SH3PXD2B: variants seen among roughly 807,000 people sequenced by gnomAD.
SH3PXD2B encodes SH3 and PX domains 2B.
In SH3PXD2B, 37 loss-of-function variants were observed where a neutral mutation model predicts 73.1. The observed-to-expected ratio is 0.51, with a 90% CI of 0.39 to 0.67. The LOEUF (loss-of-function observed/expected upper bound fraction) is 0.67, where lower values mean the gene tolerates loss of function less well. SH3PXD2B is among the 30% of genes least tolerant of loss of function. The probability of loss-of-function intolerance (pLI) is 0.00; values close to 1 mark genes in which losing one functional copy is unlikely to be tolerated. For missense variants in SH3PXD2B, 1,053 were observed against 1,197.8 expected, an observed-to-expected ratio of 0.88 and a Z score of 1.78; for synonymous variants, 457 against 480.5, an observed-to-expected ratio of 0.95 and a Z score of 0.64.
rs558962538 is a variant in SH3PXD2B, at chr5:172,402,748, C to T, written c.232+3529G>A. Among the ~76,000 whole-genome samples, 4 of 152,340 alleles carry T rather than the reference C, an allele frequency of 2.6e-5. No individual in the cohort carries two copies. In the South Asian group the frequency reaches 8.3e-4, roughly 32 times the overall value. The stretch of plus-strand genomic sequence containing the variant: ...CTCATCTGTGAAATGGGACAGCAGC[C>T]CCTAGCTCTTAGAAGCTGTCTCCAT... On this transcript the variant is annotated intron_variant, in intron 3 of 12. Transcript: ENST00000311601.
chr5:172,332,378 C>T (rs578175199), downstream of SH3PXD2B, among the ~76,000 whole-genome samples: 4 of 151,844 alleles, frequency 2.6e-5, no homozygotes, highest in Non-Finnish European at 5.9e-5. Context: ...TTCAGCCTCC[C>T]AAGTAGCTGG....
At chr5:172,375,308 C>G (rs539998180) in intron 5 of SH3PXD2B, among the ~76,000 whole-genome samples, 10 of 152,174 alleles carry the variant, frequency 6.6e-5, no homozygotes, top group Admixed American at 1.3e-4. Context: ...TGCAGTGAGC[C>G]GAGATCATGC....
chr5:172,336,047 G>A lies in SH3PXD2B; in HGVS notation c.*2322C>T. 1 of 994,724 alleles carries A rather than the reference G, an allele frequency of 1.0e-6. No individual in the cohort carries two copies. 61.6% of individuals were successfully genotyped at this position (994,724 alleles called of 1,614,324 possible). A position where few individuals can be genotyped will look rare whatever the true frequency, so the allele number is the denominator to read the frequency against. The stretch of plus-strand genomic sequence containing the variant: ...CGGGAGGAAGGAATGAAGCAAGAGA[G>A]AAACTCCTTCAGTGAAGTCAGCAGA... On this transcript the variant is annotated 3_prime_UTR_variant, in exon 13 of 13. Transcript: ENST00000311601.
intron 1 of SH3PXD2B, among the ~76,000 whole-genome samples, chr5:172,452,018 C>T (rs1193924103): frequency 6.6e-6 from 1 of 152,184 alleles, no homozygotes; most frequent in Non-Finnish European, 1.5e-5. Flanking sequence ...GATGAATCCC[C>T]CTACCATGTG....
chr5:172,443,348 A>G (rs1168069558), intron 1 of SH3PXD2B, among the ~76,000 whole-genome samples: 1 of 152,234 alleles, frequency 6.6e-6, no homozygotes. Context: ...GTCGGAGGTT[A>G]GTGAAAATTA....
At chr5:172,443,285 T>C (rs1759588791) in intron 1 of SH3PXD2B, among the ~76,000 whole-genome samples, 1 of 152,236 alleles carries the variant, frequency 6.6e-6, no homozygotes, top group Non-Finnish European at 1.5e-5. Flanking sequence ...GTATTACTAC[T>C]ATCACCGCGA....
intron 12 of SH3PXD2B, among the ~76,000 whole-genome samples, chr5:172,341,702 G>A (rs1255642731): frequency 6.6e-6 from 1 of 152,206 alleles, no homozygotes; most frequent in African/African-American, 2.4e-5. Context: ...CCAGGCTGGA[G>A]TGCAGTGGCA....
At chr5:172,428,698 T>A (rs1404335421) in intron 1 of SH3PXD2B, among the ~76,000 whole-genome samples, 5 of 152,354 alleles carry the variant, frequency 3.3e-5, no homozygotes, top group Admixed American at 3.3e-4. Context: ...CTCCAGGTGA[T>A]GCAATGTGAA....
At chr5:172,368,568 AAT>A (rs1213767126) in intron 6 of SH3PXD2B, among the ~76,000 whole-genome samples, 19 of 19,154 alleles carry the variant, frequency 9.9e-4, no homozygotes, top group Non-Finnish European at 1.1e-3. Flanking sequence ...ATATATATAA[AAT>A]ATGTTATATA....
Position 172,335,799 on chromosome 5 carries a change from T to TC in SH3PXD2B, c.*2569dup. 8.1e-7 allele frequency: 1 copy of TC among 1,230,084 alleles called. No homozygotes were observed. The allele number at this position is 1,230,084 out of a possible 1,614,324, so 76.2% of individuals were successfully genotyped here. A position where few individuals can be genotyped will look rare whatever the true frequency, so the allele number is the denominator to read the frequency against. On this transcript the variant is annotated 3_prime_UTR_variant, in exon 13 of 13. Coordinates refer to ENST00000311601, the MANE Select transcript of SH3PXD2B (RefSeq NM_001017995.3). ...GACCCACCCACTGCCTGGGGAAGTG[T>TC]CTACCATTGTAGGAAAAGGAGCTGG...
chr5:172,378,898 G>A (rs552262087), intron 5 of SH3PXD2B, among the ~76,000 whole-genome samples: 5 of 151,810 alleles, frequency 3.3e-5, no homozygotes, highest in East Asian at 1.9e-4. Flanking sequence ...GTGAAACCCC[G>A]TCTCTACTAA....
At position 172,333,744 on chromosome 5, in the gene SH3PXD2B, G is replaced by C. The variant is rs371877979; in HGVS notation, c.*4625C>G. On this transcript the variant is annotated 3_prime_UTR_variant, in exon 13 of 13. Coordinates refer to ENST00000311601, the MANE Select transcript of SH3PXD2B (RefSeq NM_001017995.3). ...CCAGCGTCATCCTATGAGCAGACAC[G>C]AGGTGGTGGGCAGTGCCCACTGTTC... 1 of 1,289,392 alleles carries C rather than the reference G, an allele frequency of 7.8e-7. No individual in the cohort carries two copies. The highest frequency in any genetic ancestry group is 2.3e-5 in the Admixed American group (1 of 43,494). 79.9% of individuals were successfully genotyped at this position (1,289,392 alleles called of 1,614,324 possible).
At chr5:172,440,966 A>G (rs1455744779) in intron 1 of SH3PXD2B, among the ~76,000 whole-genome samples, 1 of 152,210 alleles carries the variant, frequency 6.6e-6, no homozygotes, top group Non-Finnish European at 1.5e-5. Flanking sequence ...CCCCTGGTAC[A>G]GTGGTGGCTT....
intron 8 of SH3PXD2B, among the ~76,000 whole-genome samples, chr5:172,355,176 C>T (rs1191284560): frequency 5.3e-5 from 8 of 152,262 alleles, no homozygotes; most frequent in African/African-American, 1.9e-4. Flanking sequence ...GTCGCTATCT[C>T]TTTGGGAAAA....
chr5:172,379,844 G>A (rs975458855), intron 5 of SH3PXD2B, among the ~76,000 whole-genome samples: 7 of 152,164 alleles, frequency 4.6e-5, no homozygotes, highest in Non-Finnish European at 1.0e-4. Flanking sequence ...GGCAGGATTC[G>A]AACCTGGGTG....
intron 1 of SH3PXD2B, among the ~76,000 whole-genome samples, chr5:172,453,886 G>A (rs1759861081): frequency 6.6e-6 from 1 of 152,192 alleles, no homozygotes; most frequent in African/African-American, 2.4e-5. Context: ...GAGGGGCAAG[G>A]CGGGCGGCCT....
chr5:172,374,976 G>A (rs1168845489), intron 5 of SH3PXD2B, among the ~76,000 whole-genome samples: 2 of 152,140 alleles, frequency 1.3e-5, no homozygotes, highest in African/African-American at 4.8e-5. Context: ...TTTGCTCAAG[G>A]TCACACAGCT....
chr5:172,383,705 T>G (rs929095656), intron 4 of SH3PXD2B, among the ~76,000 whole-genome samples: 1 of 152,140 alleles, frequency 6.6e-6, no homozygotes, highest in Non-Finnish European at 1.5e-5. Flanking sequence ...GCCCAAGCAG[T>G]GCGTGCTCTG....
At chr5:172,364,555 C>G (rs1757468908) in intron 6 of SH3PXD2B, among the ~76,000 whole-genome samples, 1 of 152,146 alleles carries the variant, frequency 6.6e-6, no homozygotes, top group African/African-American at 2.4e-5. Context: ...GTCCCAGCTA[C>G]TCAGGAGGCT....
Sources: gnomAD v4.1 joint callset for allele counts (sites outside exome capture counted in the v4.1 genomes callset) on GRCh38, gnomAD v4.1.1 for gene constraint, MANE v1.5 for transcripts, NCBI Gene and HGNC (gene_info 2026-07-23, HGNC 2026-07-21) for gene names.